Variants in AKAP19 observed in about 807,000 individuals in gnomAD.
AKAP19 encodes the protein small A-kinase anchoring protein.
At chr2:189,906,725 AT>A in the AKAP19 span, among the ~76,000 whole-genome samples, 1 of 152,140 alleles carries the variant, frequency 6.6e-6, no homozygotes, top group African/African-American at 2.4e-5. Flanking sequence ...ATTTTTGAAC[AT>A]TTCAGTTGTT....
chr2:189,987,391 T>A, the AKAP19 span, among the ~76,000 whole-genome samples: 2 of 152,214 alleles, frequency 1.3e-5, no homozygotes, highest in Non-Finnish European at 2.9e-5. Flanking sequence ...CTTTATCAAC[T>A]GCATGAAAAT....
At chr2:189,889,955 G>A in the AKAP19 span, among the ~76,000 whole-genome samples, 27 of 152,044 alleles carry the variant, frequency 1.8e-4, no homozygotes, top group African/African-American at 5.8e-4. Context: ...GTTATTTCTG[G>A]TCTTCTGCTA....
At chr2:190,154,602 T>C in the AKAP19 span, among the ~76,000 whole-genome samples, 1 of 152,268 alleles carries the variant, frequency 6.6e-6, no homozygotes, top group Non-Finnish European at 1.5e-5. Context: ...TTGCTCATAC[T>C]GTTATCTTAA....
At chr2:190,098,400 CCAATGGTGCATTGT>C in the AKAP19 span, among the ~76,000 whole-genome samples, 1 of 151,992 alleles carries the variant, frequency 6.6e-6, no homozygotes, top group Admixed American at 6.6e-5. Flanking sequence ...GAGCAATGCA[CCAATGGTGCATTGT>C]CAATGAGCAG....
chr2:190,005,389 T>A, the AKAP19 span, among the ~76,000 whole-genome samples: 5 of 152,234 alleles, frequency 3.3e-5, no homozygotes, highest in East Asian at 9.6e-4. Context: ...GCATTTACAA[T>A]CCTTTAGCTA....
chr2:189,951,956 C>A, the AKAP19 span, among the ~76,000 whole-genome samples: 1 of 152,182 alleles, frequency 6.6e-6, no homozygotes, highest in African/African-American at 2.4e-5. Flanking sequence ...ACACTGGAGA[C>A]TGGGAGTTAC....
the AKAP19 span, among the ~76,000 whole-genome samples, chr2:189,975,377 T>C: frequency 0.6 from 91,951 of 152,066 alleles, 31,435 homozygotes; most frequent in South Asian, 0.78. Flanking sequence ...CTTCCCTTTG[T>C]GGGTAACCCG....
chr2:190,055,444 C>G, the AKAP19 span, among the ~76,000 whole-genome samples: 1 of 151,662 alleles, frequency 6.6e-6, no homozygotes, highest in Non-Finnish European at 1.5e-5. Flanking sequence ...CAAACCTGCA[C>G]GTTGTGCACA....
the AKAP19 span, among the ~76,000 whole-genome samples, chr2:189,919,676 T>A: frequency 2.0e-5 from 3 of 152,312 alleles, no homozygotes; most frequent in Non-Finnish European, 4.4e-5. Context: ...TTGCTGAGGA[T>A]GATGGCTTCC....
chr2:189,981,705 C>T, the AKAP19 span, among the ~76,000 whole-genome samples: 1 of 152,094 alleles, frequency 6.6e-6, no homozygotes, highest in African/African-American at 2.4e-5. Flanking sequence ...TGATGAATTC[C>T]ATTAGTGTTT....
the AKAP19 span, chr2:190,079,450 C>G: frequency 6.6e-6 from 1 of 152,228 alleles, no homozygotes; most frequent in African/African-American, 2.4e-5. Context: ...TCAAGCACTT[C>G]ATATACATTA....
the AKAP19 span, among the ~76,000 whole-genome samples, chr2:189,954,428 G>A: frequency 6.6e-6 from 1 of 152,156 alleles, no homozygotes; most frequent in Non-Finnish European, 1.5e-5. Flanking sequence ...ACTTCTTCTG[G>A]TTTGGTGACA....
chr2:190,023,785 A>ATGTG, the AKAP19 span, among the ~76,000 whole-genome samples: 41 of 113,652 alleles, frequency 3.6e-4, no homozygotes, highest in Non-Finnish European at 5.5e-4. Flanking sequence ...TCTGTAGGTA[A>ATGTG]TGTGTGTGTG....
chr2:190,133,194 C>T, the AKAP19 span, among the ~76,000 whole-genome samples: 1 of 131,898 alleles, frequency 7.6e-6, no homozygotes, highest in East Asian at 2.4e-4. Flanking sequence ...GCCGAGATCA[C>T]GCCACTGCAC....
chr2:189,997,883 C>G, the AKAP19 span, among the ~76,000 whole-genome samples: 4 of 152,130 alleles, frequency 2.6e-5, no homozygotes, highest in Admixed American at 2.6e-4. Context: ...TGCATACCTC[C>G]CAAATTCTGC....
the AKAP19 span, among the ~76,000 whole-genome samples, chr2:189,903,782 T>C: frequency 3.3e-5 from 5 of 151,960 alleles, no homozygotes; most frequent in African/African-American, 7.2e-5. Flanking sequence ...TTCCAACCCA[T>C]GTTCCCCCAC....
chr2:189,905,534 C>T, the AKAP19 span, among the ~76,000 whole-genome samples: 1 of 151,902 alleles, frequency 6.6e-6, no homozygotes, highest in African/African-American at 2.4e-5. Flanking sequence ...AAATTTTATC[C>T]TTTTGTCTTC....
At chr2:190,004,801 G>C in the AKAP19 span, among the ~76,000 whole-genome samples, 2 of 152,082 alleles carry the variant, frequency 1.3e-5, no homozygotes, top group Non-Finnish European at 2.9e-5. Context: ...ACACTCACAA[G>C]GGAAAGGCAC....
At chr2:189,902,139 A>C in the AKAP19 span, among the ~76,000 whole-genome samples, 19 of 152,080 alleles carry the variant, frequency 1.2e-4, no homozygotes, top group African/African-American at 4.6e-4. Flanking sequence ...TTTCATCTTT[A>C]TGTTTCTGTG....
Sources: allele counts gnomAD v4.1 joint callset (sites outside exome capture counted in the v4.1 genomes callset), GRCh38; gene constraint gnomAD v4.1.1; transcripts MANE v1.5; gene names NCBI Gene and HGNC (gene_info 2026-07-23, HGNC 2026-07-21).